UTY: variants seen among roughly 807,000 people sequenced by gnomAD.
The protein encoded by UTY is ubiquitously transcribed tetratricopeptide repeat containing, Y-linked, also known as histone demethylase UTY.
In UTY, 12 loss-of-function variants were observed where a neutral mutation model predicts 32.5. That is an observed-to-expected ratio of 0.37 (90% confidence interval 0.24 to 0.60). UTY has a LOEUF of 0.60. Among genes scored for constraint, UTY ranks in the 20% least tolerant of loss-of-function variants. The pLI is 0.69. For missense variants in UTY, 303 were observed against 299.2 expected (o/e 1.01, Z -0.09); for synonymous variants, 131 against 103.4 (o/e 1.27, Z -1.62).
chrY:13,287,286 G>C, intron 27 of UTY: 1 of 392,656 alleles, frequency 2.5e-6, no homozygotes, highest in Non-Finnish European at 3.6e-6. Context: ...AGAAATAGAA[G>C]TTGGAGTAGT....
chrY:13,424,079 C>T, intron 4 of UTY, among the ~76,000 whole-genome samples: 1 of 33,520 alleles, frequency 3.0e-5, no homozygotes, highest in Admixed American at 2.7e-4. Context: ...TATGCACATT[C>T]ACCCACTTAC....
intron 3 of UTY, among the ~76,000 whole-genome samples, chrY:13,466,307 C>A: frequency 3.1e-5 from 1 of 32,399 alleles, no homozygotes; most frequent in African/African-American, 1.2e-4. Flanking sequence ...TGCACATGTA[C>A]CCCAGAACTT....
intron 27 of UTY, among the ~76,000 whole-genome samples, chrY:13,290,883 T>TA (rs1171451148): frequency 1.6e-4 from 5 of 30,915 alleles, no homozygotes. Context: ...GAAACTTACA[T>TA]AATTTTTTTT....
chrY:13,406,699 A>G, intron 6 of UTY, among the ~76,000 whole-genome samples: 1 of 29,880 alleles, frequency 3.3e-5, no homozygotes, highest in South Asian at 7.2e-4. Context: ...ATGTTTATGT[A>G]TATATATATC....
intron 28 of UTY, among the ~76,000 whole-genome samples, chrY:13,256,821 G>C (rs2148408597): frequency 5.9e-5 from 2 of 34,053 alleles, no homozygotes; most frequent in East Asian, 1.5e-3. Flanking sequence ...GCAAACAGCA[G>C]TTAGAAGTAG....
At chrY:13,259,362 G>A (rs999248778) in intron 28 of UTY, among the ~76,000 whole-genome samples, 2 of 33,669 alleles carry the variant, frequency 5.9e-5, no homozygotes, top group East Asian at 1.6e-3. Flanking sequence ...AGCTAGACTC[G>A]GCAATCAACC....
intron 28 of UTY, among the ~76,000 whole-genome samples, chrY:13,251,873 A>T: frequency 6.1e-5 from 2 of 32,967 alleles, no homozygotes; most frequent in Non-Finnish European, 7.4e-5. Flanking sequence ...CTTCTGCTTG[A>T]TTTCTTCAGT....
chrY:13,292,110 AAG>A (rs2057789201), intron 27 of UTY, among the ~76,000 whole-genome samples: 1 of 33,243 alleles, frequency 3.0e-5, no homozygotes, highest in African/African-American at 1.2e-4. Flanking sequence ...CAAAGAAAAA[AAG>A]AGAGAAGACT....
intron 2 of UTY, among the ~76,000 whole-genome samples, chrY:13,478,461 G>T (rs2079315757): frequency 3.0e-5 from 1 of 32,924 alleles, no homozygotes; most frequent in African/African-American, 1.2e-4. Context: ...ATGAAGCTAC[G>T]TCAGCGCTCT....
chrY:13,440,578 T>A, intron 4 of UTY, among the ~76,000 whole-genome samples: 1 of 33,589 alleles, frequency 3.0e-5, no homozygotes, highest in Non-Finnish European at 7.4e-5. Context: ...AAAACCTTTA[T>A]ATATCAAACC....
chrY:13,269,040 A>T (rs2056072032), intron 27 of UTY, among the ~76,000 whole-genome samples: 1 of 33,319 alleles, frequency 3.0e-5, no homozygotes, highest in Non-Finnish European at 7.4e-5. Flanking sequence ...ATCCCTTAGC[A>T]GAGCTTGAGC....
At chrY:13,263,066 G>C in intron 27 of UTY, among the ~76,000 whole-genome samples, 1 of 32,984 alleles carries the variant, frequency 3.0e-5, no homozygotes, top group African/African-American at 1.2e-4. Flanking sequence ...TAAACACTAA[G>C]AATGAATAGT....
intron 21 of UTY, among the ~76,000 whole-genome samples, chrY:13,321,460 G>C: frequency 3.0e-5 from 1 of 33,273 alleles, no homozygotes; most frequent in Admixed American, 2.7e-4. Flanking sequence ...CTATGCTAAA[G>C]GGAAAGGTCA....
At chrY:13,296,601 C>CCA (rs2058047905) in intron 27 of UTY, among the ~76,000 whole-genome samples, 1 of 32,851 alleles carries the variant, frequency 3.0e-5, no homozygotes, top group Non-Finnish European at 7.4e-5. Context: ...TTAAAAGTAG[C>CCA]CACGTAACTT....
intron 28 of UTY, among the ~76,000 whole-genome samples, chrY:13,254,027 T>C (rs758392887): frequency 1.5e-3 from 49 of 33,221 alleles, no homozygotes; most frequent in Admixed American, 8.2e-4. Flanking sequence ...GAGAACCATA[T>C]GTGGATTTTA....
chrY:13,374,059 A>G (rs2065175867), intron 8 of UTY, among the ~76,000 whole-genome samples: 1 of 33,498 alleles, frequency 3.0e-5, no homozygotes, highest in South Asian at 6.5e-4. Flanking sequence ...AGATCACAGC[A>G]TTTGTCCTTT....
chrY:13,433,857 T>C (rs757882430), intron 4 of UTY, among the ~76,000 whole-genome samples: 2,842 of 33,474 alleles, frequency 0.085, no homozygotes, highest in Non-Finnish European at 0.03. Context: ...AACAAAATCT[T>C]CCCTCAAAAA....
intron 18 of UTY, among the ~76,000 whole-genome samples, chrY:13,334,199 C>T (rs774320302): frequency 6.0e-5 from 2 of 33,515 alleles, no homozygotes; most frequent in African/African-American, 2.3e-4. Context: ...ACATTTTGCA[C>T]TGGCCCCCTG....
At chrY:13,479,461 G>A in intron 1 of UTY, 53 bp downstream of exon 1, 1 of 397,690 alleles carries the variant, frequency 2.5e-6, no homozygotes, top group Non-Finnish European at 3.5e-6. Context: ...GCTGCGTCCA[G>A]GCCTTCCCGG....
Sources: gnomAD v4.1 joint callset for allele counts (sites outside exome capture counted in the v4.1 genomes callset) on GRCh38, gnomAD v4.1.1 for gene constraint, MANE v1.5 for transcripts, NCBI Gene and HGNC (gene_info 2026-07-23, HGNC 2026-07-21) for gene names.